Variants in COLEC11 observed in about 807,000 individuals in gnomAD.
COLEC11 encodes the protein collectin-11.
Under a neutral mutation model 27.3 loss-of-function variants are expected in COLEC11, and 20 were observed. That is an observed-to-expected ratio of 0.73 (90% CI 0.51 to 1.06). The LOEUF is 1.06. Among genes scored for constraint, COLEC11 ranks in the 50% least tolerant of loss-of-function variants. COLEC11 has a pLI of 0.00. For synonymous variants in COLEC11, 163 were observed against 154.7 expected (o/e 1.05, Z -0.40); for missense variants, 310 against 383.0 (o/e 0.81, Z 1.59).
rs1021514589 is a variant in COLEC11, at chr2:3,603,116, T to C, written c.-26-1199T>C. ...GGCCTTTGGGATGGACAGATGCTCC[T>C]GTGGCTTCCATGCTCTGCGGAGCCC... is the stretch of plus-strand genomic sequence containing the variant. On this transcript the variant is annotated intron_variant, in intron 1 of 6. Transcript: ENST00000349077. Among the ~76,000 whole-genome samples the C allele has an allele frequency of 5.3e-5, 8 of 152,344 alleles. No homozygotes were observed. The East Asian group carries it at 1.4e-3, about 26-fold the overall frequency.
intron 3 of COLEC11, among the ~76,000 whole-genome samples, chr2:3,627,052 G>T (rs555248306): frequency 1.3e-5 from 2 of 152,158 alleles, no homozygotes; most frequent in Non-Finnish European, 2.9e-5. Context: ...TTTCTAGCTC[G>T]TTGCAGCGGG....
intron 2 of COLEC11, among the ~76,000 whole-genome samples, chr2:3,608,092 A>G (rs1662880221): frequency 6.6e-6 from 1 of 152,378 alleles, no homozygotes; most frequent in South Asian, 2.1e-4. Context: ...GAAGTATCTT[A>G]GGTTCTCAAT....
chr2:3,598,253 G>A (rs775828926), intron 1 of COLEC11, among the ~76,000 whole-genome samples: 16 of 152,276 alleles, frequency 1.1e-4, no homozygotes, highest in Non-Finnish European at 1.8e-4. Context: ...ACATTATTAG[G>A]AATTTCAGGA....
intron 3 of COLEC11, among the ~76,000 whole-genome samples, chr2:3,634,677 G>C (rs946939063): frequency 6.6e-6 from 1 of 150,418 alleles, no homozygotes; most frequent in Non-Finnish European, 1.5e-5. Context: ...CGGGTACCTG[G>C]CATCTGCCAT....
At chr2:3,624,863 A>G (rs556184702) in intron 3 of COLEC11, among the ~76,000 whole-genome samples, 8 of 152,272 alleles carry the variant, frequency 5.3e-5, no homozygotes, top group Non-Finnish European at 1.2e-4. Context: ...CCATGTGTGC[A>G]TGTCTTGTCT....
chr2:3,642,461 C>G (rs1189645121), intron 5 of COLEC11, among the ~76,000 whole-genome samples: 1 of 152,166 alleles, frequency 6.6e-6, no homozygotes, highest in Admixed American at 6.5e-5. Context: ...TCTCATCAGG[C>G]CACTTGTGTT....
At position 3,638,336 on chromosome 2, in the gene COLEC11, G is replaced by A. The variant is rs371719531; in HGVS notation, c.274+732G>A. On this transcript the variant is annotated intron_variant, in intron 4 of 6. Transcript: ENST00000349077. Reference sequence around the variant, plus strand: ...ATGCTGGGCTCTGGGGGACGAAGTCGGTGGGAGGGCAAGGAGCTGGCCGTC... The same window carrying A: ...ATGCTGGGCTCTGGGGGACGAAGTCAGTGGGAGGGCAAGGAGCTGGCCGTC... Among the ~76,000 whole-genome samples the A allele has an allele frequency of 1.3e-4, 20 of 152,326 alleles. No homozygotes were observed. The East Asian group carries it at 3.1e-3, about 23-fold the overall frequency.
intron 1 of COLEC11, among the ~76,000 whole-genome samples, chr2:3,600,888 ATTATAAATG>A (rs1662169124): frequency 6.6e-6 from 1 of 152,228 alleles, no homozygotes; most frequent in Admixed American, 6.5e-5. Flanking sequence ...GACATTTTCC[ATTATAAATG>A]TTAAGAATGA....
chr2:3,643,584 C>G, intron 6 of COLEC11, 45 bp downstream of exon 6: 1 of 1,599,788 alleles, frequency 6.3e-7, no homozygotes, highest in East Asian at 2.2e-5. Flanking sequence ...CACCTCCCAG[C>G]CCTGTCCTGA....
At chr2:3,633,343 T>G (rs1226023134) in intron 3 of COLEC11, among the ~76,000 whole-genome samples, 3 of 152,202 alleles carry the variant, frequency 2.0e-5, no homozygotes. Flanking sequence ...TGTAGACAAG[T>G]TAAAACCTGA....
intron 3 of COLEC11, among the ~76,000 whole-genome samples, chr2:3,615,939 G>A (rs1402592919): frequency 8.5e-5 from 8 of 94,434 alleles, no homozygotes; most frequent in Non-Finnish European, 1.6e-4. Context: ...GCTGCCGGGT[G>A]GAGATGCTCC....
intron 1 of COLEC11, chr2:3,603,834 T>C: frequency 1.6e-6 from 1 of 640,480 alleles, no homozygotes; most frequent in Non-Finnish European, 2.7e-6. Flanking sequence ...TAAGGAGATG[T>C]GGGGGCGTGG....
intron 1 of COLEC11, among the ~76,000 whole-genome samples, chr2:3,600,578 C>T (rs912411638): frequency 1.3e-5 from 2 of 152,156 alleles, no homozygotes; most frequent in African/African-American, 4.8e-5. Context: ...GGTTTAAGAA[C>T]GCATAATGTG....
At chr2:3,630,297 T>C (rs1342432663) in intron 3 of COLEC11, among the ~76,000 whole-genome samples, 2 of 152,228 alleles carry the variant, frequency 1.3e-5, no homozygotes, top group Middle Eastern at 3.2e-3. Context: ...CATATGTCTG[T>C]ATATAATGTG....
chr2:3,626,203 C>T (rs1426122812), intron 3 of COLEC11: 1 of 940,524 alleles, frequency 1.1e-6, no homozygotes, highest in African/African-American at 1.6e-5. Context: ...GGAGCAGAAG[C>T]CCCATTTCTA....
In COLEC11 at chr2:3,600,076, A is replaced by G. The variant is rs1299225861; in HGVS notation, c.-26-4239A>G. On this transcript the variant is annotated intron_variant, in intron 1 of 6. Transcript: ENST00000349077. ...CGGTGAAACCCCTTCTCTACTAAAA[A>G]TACACAAAATTAGCCAGGCGTGGTG... 1.1e-4 allele frequency among the ~76,000 whole-genome samples: 17 copies of G among 152,120 alleles called. No homozygotes were observed. The East Asian group carries it at 3.1e-3, about 28-fold the overall frequency.
chr2:3,629,943 C>T (rs372346322), intron 3 of COLEC11, among the ~76,000 whole-genome samples: 8 of 152,184 alleles, frequency 5.3e-5, no homozygotes, highest in South Asian at 2.1e-4. Flanking sequence ...TACATATATA[C>T]GATGTGCAGT....
At chr2:3,605,206 A>AC in intron 2 of COLEC11, 1 of 441,550 alleles carries the variant, frequency 2.3e-6, no homozygotes, top group Non-Finnish European at 4.7e-6. Flanking sequence ...AAGAAGGGAC[A>AC]GCAGAGTGTG....
At chr2:3,634,339 T>C (rs1472497682) in intron 3 of COLEC11, among the ~76,000 whole-genome samples, 3 of 152,140 alleles carry the variant, frequency 2.0e-5, no homozygotes, top group African/African-American at 7.2e-5. Flanking sequence ...AGAGGACTCT[T>C]GGAGAAGGTG....
Sources: allele counts gnomAD v4.1 joint callset (sites outside exome capture counted in the v4.1 genomes callset), GRCh38; gene constraint gnomAD v4.1.1; transcripts MANE v1.5; gene names NCBI Gene and HGNC (gene_info 2026-07-23, HGNC 2026-07-21).